The following CMKLR2 variants were observed in gnomAD, a reference collection of about 807,000 sequenced individuals.
CMKLR2 encodes the protein chemerin chemokine-like receptor 2, also known as chemerin-like receptor 2.
In CMKLR2, 18 loss-of-function variants were observed where a neutral mutation model predicts 23.0. That is an observed-to-expected ratio of 0.78 (90% CI 0.54 to 1.16). The LOEUF (loss-of-function observed/expected upper bound fraction) is 1.16. CMKLR2 is among the 50% of genes most tolerant of loss of function. CMKLR2 has a pLI of 0.00. For synonymous variants in CMKLR2, 158 were observed against 158.9 expected, an observed-to-expected ratio of 0.99 and a Z score of 0.05; for missense variants, 401 against 412.7, an observed-to-expected ratio of 0.97 and a Z score of 0.25.
At chr2:206,202,349 G>A (rs1689125357) in intron 1 of CMKLR2, among the ~76,000 whole-genome samples, 2 of 152,190 alleles carry the variant, frequency 1.3e-5, no homozygotes, top group African/African-American at 4.8e-5. Flanking sequence ...GGAGGCTATA[G>A]AGAGAAGACG....
chr2:206,205,688 GTATTAT>G (rs112037410), intron 1 of CMKLR2, among the ~76,000 whole-genome samples: 2,228 of 150,770 alleles, frequency 0.015, 51 homozygotes, highest in African/African-American at 0.052. Context: ...AGTGTTCGGT[GTATTAT>G]TATTATTATT....
upstream of CMKLR2, among the ~76,000 whole-genome samples, chr2:206,215,503 C>T (rs530308893): frequency 1.3e-5 from 2 of 152,210 alleles, no homozygotes; most frequent in South Asian, 2.1e-4. Context: ...CTATGTGCCA[C>T]GCATAGTTTA....
upstream of CMKLR2, among the ~76,000 whole-genome samples, chr2:206,215,538 G>T (rs193229360): frequency 4.7e-4 from 71 of 152,248 alleles, no homozygotes; most frequent in African/African-American, 1.6e-3. Flanking sequence ...TGAAACCCAG[G>T]AAAGTGTAAG....
At chr2:206,192,316 T>A (rs1034609569) in intron 1 of CMKLR2, among the ~76,000 whole-genome samples, 10 of 149,450 alleles carry the variant, frequency 6.7e-5, no homozygotes, top group Non-Finnish European at 8.9e-5. Context: ...ATTTTTTTTT[T>A]ATTTTTTATT....
At position 206,177,188 on chromosome 2, in the gene CMKLR2, G is replaced by A. The variant is rs764046928; in HGVS notation, c.60C>T (p.Asp20=). ...CCAAATCAGACTCCAGAGAGTAATAGTCTAGGTCATAGGAATAGTTTTCAA... is the reference window on the plus strand; with the variant it reads ...CCAAATCAGACTCCAGAGAGTAATAATCTAGGTCATAGGAATAGTTTTCAA... The part of the protein sequence containing the change: ...EEFENYSYDL[D]YYSLESDLEE... Residue 20 remains aspartate (D), a synonymous_variant, in exon 2 of 2, where the codon GAC becomes GAT. Coordinates refer to ENST00000621141, the MANE Select transcript of CMKLR2 (RefSeq NM_001389445.1). 1 of 1,613,694 alleles carries A rather than the reference G, an allele frequency of 6.2e-7. No homozygotes were observed. The highest frequency in any genetic ancestry group is 1.1e-5 in the South Asian group (1 of 91,020).
intron 1 of CMKLR2, among the ~76,000 whole-genome samples, chr2:206,198,029 A>G (rs1688973881): frequency 6.6e-6 from 1 of 152,152 alleles, no homozygotes; most frequent in Admixed American, 6.6e-5. Flanking sequence ...CCCTTGATCC[A>G]CCCAAAAGTT....
chr2:206,198,729 T>G (rs1020937912), intron 1 of CMKLR2, among the ~76,000 whole-genome samples: 5 of 152,018 alleles, frequency 3.3e-5, no homozygotes, highest in Admixed American at 2.6e-4. Flanking sequence ...AAAAGAAAAA[T>G]TATTAGTGTT....
intron 1 of CMKLR2, among the ~76,000 whole-genome samples, chr2:206,184,074 C>G (rs1559085394): frequency 6.6e-6 from 1 of 152,180 alleles, no homozygotes; most frequent in Non-Finnish European, 1.5e-5. Context: ...TTCCATGGCT[C>G]TTGCCTAGCT....
chr2:206,179,374 C>CTTTTTTTT (rs1178241566), intron 1 of CMKLR2, among the ~76,000 whole-genome samples: 1 of 76,216 alleles, frequency 1.3e-5, no homozygotes, highest in Non-Finnish European at 2.5e-5. Flanking sequence ...CGCACCCAGC[C>CTTTTTTTT]TTTTTTTTTT....
chr2:206,213,176 G>A (rs1689633548), intron 1 of CMKLR2, 131 bp downstream of exon 1: 1 of 152,168 alleles, frequency 6.6e-6, no homozygotes, highest in Non-Finnish European at 1.5e-5. Context: ...TAAACGATCA[G>A]GAGTCCTTTT....
rs1338468273 is a variant in CMKLR2 at position 206,177,071 on chromosome 2, G to A, written c.177C>T (p.Val59=). 1.2e-6 allele frequency: 2 copies of A among 1,614,110 alleles called. No homozygotes were observed. Among genetic ancestry groups the A allele is most frequent in the Non-Finnish European group, 1.7e-6 (2 of 1,180,042 alleles). Residue 59 remains valine (V), a synonymous_variant, in exon 2 of 2, where the codon GTC becomes GTT. Coordinates refer to ENST00000621141, the MANE Select transcript of CMKLR2 (RefSeq NM_001389445.1). The stretch of plus-strand genomic sequence containing the variant: ...TCCACTTGAACCCCGTGAACCAAAT[G>A]ACGATGGCATTTCCTGGAATTCCCA... ...FVLGIPGNAI[V]IWFTGFKWKK...
intron 1 of CMKLR2, among the ~76,000 whole-genome samples, chr2:206,183,474 A>G (rs1004701789): frequency 1.8e-4 from 27 of 152,222 alleles, no homozygotes; most frequent in African/African-American, 6.5e-4. Context: ...GTGTGTGTGT[A>G]TGCCTTGAGG....
intron 1 of CMKLR2, among the ~76,000 whole-genome samples, chr2:206,187,483 C>G (rs1314926860): frequency 6.6e-6 from 1 of 152,078 alleles, no homozygotes; most frequent in Non-Finnish European, 1.5e-5. Context: ...TATCGGTGCT[C>G]TCAAAGGAAA....
chr2:206,209,067 G>C (rs1340863581), intron 1 of CMKLR2, among the ~76,000 whole-genome samples: 1 of 152,144 alleles, frequency 6.6e-6, no homozygotes, highest in African/African-American at 2.4e-5. Context: ...GCCAGGCTCG[G>C]TGACTCACAC....
intron 1 of CMKLR2, among the ~76,000 whole-genome samples, chr2:206,208,806 G>A (rs1689432751): frequency 1.3e-5 from 2 of 151,820 alleles, no homozygotes; most frequent in South Asian, 4.2e-4. Flanking sequence ...AAGTAGCTGG[G>A]ACTACAGGCA....
chr2:206,207,046 C>T (rs1190896329), intron 1 of CMKLR2, among the ~76,000 whole-genome samples: 1 of 151,330 alleles, frequency 6.6e-6, no homozygotes, highest in Non-Finnish European at 1.5e-5. Flanking sequence ...TGACTGACAA[C>T]AGTTGCCATT....
In CMKLR2 at chr2:206,176,667, T is replaced by C. The variant is rs1241746877; in HGVS notation, c.581A>G (p.His194Arg). The C allele has an allele frequency of 6.2e-7, 1 of 1,614,246 alleles. No individual in the cohort carries two copies. Among genetic ancestry groups the C allele is most frequent in the East Asian group, 2.2e-5 (1 of 44,886 alleles). The change falls in exon 2 of 2, where the codon CAT (histidine) becomes CGT (arginine). Residue 194 changes from histidine (H) to arginine (R), a missense_variant. Physicochemically the swap from His to Arg is conservative, Grantham distance 29. Transcript: ENST00000621141. ...HTLCYNNFQK[H>R]DPDLTLIRHH... ...CCTGATCAAAGTGAGGTCAGGATCA[T>C]GCTTCTGAAAATTGTTATAGCAAAG...
At chr2:206,180,758 T>TATTATC (rs1688386019) in intron 1 of CMKLR2, among the ~76,000 whole-genome samples, 1 of 146,654 alleles carries the variant, frequency 6.8e-6, no homozygotes, top group African/African-American at 2.5e-5. Context: ...TTATTATTAT[T>TATTATC]ATTATTATTA....
upstream of CMKLR2, among the ~76,000 whole-genome samples, chr2:206,215,063 A>G (rs1192321135): frequency 6.6e-6 from 1 of 152,174 alleles, no homozygotes; most frequent in East Asian, 1.9e-4. Flanking sequence ...CAAGTCTAGG[A>G]AATCTAAAGC....
Sources: gnomAD v4.1 joint callset for allele counts (sites outside exome capture counted in the v4.1 genomes callset) on GRCh38, gnomAD v4.1.1 for gene constraint, MANE v1.5 for transcripts, NCBI Gene and HGNC (gene_info 2026-07-23, HGNC 2026-07-21) for gene names.